The following WDPCP variants were observed in gnomAD, a reference collection of about 807,000 sequenced individuals.
WDPCP encodes WD repeat-containing and planar cell polarity effector protein fritz homolog.
WDPCP carries 71 observed loss-of-function variants against 93.1 expected under a neutral mutation model. The ratio of observed to expected loss-of-function variants is 0.76; its 90% confidence interval spans 0.63 to 0.93. The LOEUF is 0.93. WDPCP is among the 40% of genes least tolerant of loss of function. The probability of loss-of-function intolerance (pLI) is 0.00; values close to 1 mark genes in which losing one functional copy is unlikely to be tolerated. For synonymous variants in WDPCP, 315 were observed against 315.0 expected (o/e 1.00, Z 0.00); for missense variants, 844 against 887.4 (o/e 0.95, Z 0.62).
intron 12 of WDPCP, among the ~76,000 whole-genome samples, chr2:63,325,483 A>G (rs905916581): frequency 2.6e-5 from 4 of 152,146 alleles, no homozygotes; most frequent in Non-Finnish European, 4.4e-5. Flanking sequence ...AGGTATGGTT[A>G]ACCATTGAGG....
At chr2:63,730,395 G>A (rs956165980) in intron 2 of WDPCP, among the ~76,000 whole-genome samples, 20 of 152,142 alleles carry the variant, frequency 1.3e-4, no homozygotes, top group African/African-American at 4.6e-4. Flanking sequence ...AGAAAGGAGT[G>A]CAAATGGTCA....
intron 3 of WDPCP, chr2:63,604,992 C>T (rs947191004): frequency 1.0e-6 from 1 of 971,248 alleles, no homozygotes; most frequent in Non-Finnish European, 1.5e-6. Context: ...TGCATACTTT[C>T]GGGATCATAG....
chr2:63,457,792 A>G (rs1698728875), intron 6 of WDPCP, among the ~76,000 whole-genome samples: 1 of 152,200 alleles, frequency 6.6e-6, no homozygotes, highest in African/African-American at 2.4e-5. Flanking sequence ...CTAGGCATAG[A>G]AAGACCATCC....
chr2:63,555,942 C>T (rs1478049442), intron 1 of WDPCP, among the ~76,000 whole-genome samples: 2 of 152,122 alleles, frequency 1.3e-5, no homozygotes, highest in African/African-American at 4.8e-5. Flanking sequence ...AGCCAGAGTG[C>T]CTCGTCTCCA....
In WDPCP at chr2:63,401,783, T is replaced by A. The variant is rs528304306; in HGVS notation, c.1435+2265A>T. On this transcript the variant is annotated intron_variant, in intron 10 of 17. Transcript: ENST00000272321. ...TCACGCCACTGCACTCCAGCCTGGG[T>A]GACAGAGTGAGACTGTGTCTCAAAA... 5.9e-5 allele frequency among the ~76,000 whole-genome samples: 9 copies of A among 152,076 alleles called. 1 individual carries two copies. The highest frequency in any genetic ancestry group is 3.3e-4 in the Admixed American group (5 of 15,254).
At chr2:63,615,423 C>T (rs994732860) in intron 3 of WDPCP, among the ~76,000 whole-genome samples, 7 of 152,082 alleles carry the variant, frequency 4.6e-5, no homozygotes, top group South Asian at 2.1e-4. Flanking sequence ...ATAAGCAATG[C>T]GAAGAAGCTC....
intron 1 of WDPCP, among the ~76,000 whole-genome samples, chr2:63,504,442 C>T (rs1311686609): frequency 2.6e-5 from 4 of 151,354 alleles, no homozygotes; most frequent in Non-Finnish European, 4.4e-5. Context: ...GTCCATGTAT[C>T]TCCTCTCCCA....
intron 1 of WDPCP, among the ~76,000 whole-genome samples, chr2:63,543,335 T>C (rs1447523481): frequency 6.6e-6 from 1 of 152,146 alleles, no homozygotes; most frequent in Non-Finnish European, 1.5e-5. Flanking sequence ...TGATTTTCTG[T>C]GATGACCATT....
At chr2:63,697,064 A>G (rs1477813196) in intron 2 of WDPCP, among the ~76,000 whole-genome samples, 2 of 152,224 alleles carry the variant, frequency 1.3e-5, no homozygotes, top group East Asian at 3.8e-4. Context: ...CGCCACAACC[A>G]AACAATGTAA....
chr2:63,653,891 C>T (rs1281458928), intron 2 of WDPCP, among the ~76,000 whole-genome samples: 1 of 128,906 alleles, frequency 7.8e-6, no homozygotes, highest in African/African-American at 3.1e-5. Context: ...GCCTGTGCAA[C>T]AGAGCAAGAC....
At chr2:63,599,474 T>A in intron 3 of WDPCP, 1 of 505,908 alleles carries the variant, frequency 2.0e-6, no homozygotes, top group Non-Finnish European at 3.2e-6. Flanking sequence ...AAATGTATTC[T>A]CTTAAAGGAC....
intron 9 of WDPCP, among the ~76,000 whole-genome samples, chr2:63,419,425 C>A (rs1695680903): frequency 6.6e-6 from 1 of 152,182 alleles, no homozygotes; most frequent in Non-Finnish European, 1.5e-5. Context: ...CAGGTGTGAG[C>A]CACTGCGCCC....
At position 63,130,138 on chromosome 2, in the gene WDPCP, G is replaced by T. The variant is rs540763317; in HGVS notation, c.2191-8082C>A. 3.9e-5 allele frequency among the ~76,000 whole-genome samples: 6 copies of T among 151,966 alleles called. No individual in the cohort carries two copies. In the East Asian group the frequency reaches 7.7e-4, roughly 20 times the overall value. On this transcript the variant is annotated intron_variant, in intron 17 of 17. Transcript: ENST00000272321. ...TGAAGTCTAGTTTATCTGTTTTTTT[G>T]TTGTTGTTTTTATTGCCTGTACTTT...
chr2:63,526,217 C>A (rs1703329475), intron 1 of WDPCP, among the ~76,000 whole-genome samples: 1 of 152,296 alleles, frequency 6.6e-6, no homozygotes, highest in African/African-American at 2.4e-5. Context: ...TGAGGCTCTA[C>A]TTTCACGTAC....
intron 3 of WDPCP, among the ~76,000 whole-genome samples, chr2:63,601,733 C>G (rs1483624500): frequency 6.6e-6 from 1 of 152,132 alleles, no homozygotes. Flanking sequence ...CCAAGGAGGA[C>G]TGAGGGTGGA....
At chr2:63,123,770 G>A (rs1276687885) in intron 17 of WDPCP, among the ~76,000 whole-genome samples, 1 of 151,694 alleles carries the variant, frequency 6.6e-6, no homozygotes, top group Non-Finnish European at 1.5e-5. Context: ...TTTACCCATA[G>A]TCCTACTAGT....
chr2:63,392,500 C>G (rs1315534676), intron 10 of WDPCP, among the ~76,000 whole-genome samples: 5 of 152,046 alleles, frequency 3.3e-5, no homozygotes, highest in Non-Finnish European at 7.4e-5. Context: ...TCTAAAACAC[C>G]AAAAGCAATG....
intron 2 of WDPCP, among the ~76,000 whole-genome samples, chr2:63,657,490 G>A (rs1378485882): frequency 6.6e-6 from 1 of 152,166 alleles, no homozygotes; most frequent in Non-Finnish European, 1.5e-5. Flanking sequence ...ACATGCGTGA[G>A]TCACCGCGGC....
rs1426113967 is a variant in WDPCP, at chr2:63,518,603, A to AC, written c.76-25664dup. 20 of 152,704 alleles carry AC rather than the reference A, an allele frequency of 1.3e-4. No homozygotes were observed. In the South Asian group the frequency reaches 3.9e-3, roughly 30 times the overall value. The allele number at this position is 152,704 out of a possible 1,614,324, so 9.5% of individuals were successfully genotyped here. On this transcript the variant is annotated intron_variant, in intron 1 of 17. Coordinates refer to ENST00000272321, the MANE Select transcript of WDPCP (RefSeq NM_015910.7). Reference sequence around the variant, plus strand: ...GTGGAGCATGGCCATGGATGCCCACACCCCGCAAAGCTCACCAGGCACCCC... The same window carrying AC: ...GTGGAGCATGGCCATGGATGCCCACACCCCCGCAAAGCTCACCAGGCACCCC...
Sources: allele counts gnomAD v4.1 joint callset (sites outside exome capture counted in the v4.1 genomes callset), GRCh38; gene constraint gnomAD v4.1.1; transcripts MANE v1.5; gene names NCBI Gene and HGNC (gene_info 2026-07-23, HGNC 2026-07-21).